Variants in DCLRE1C observed in about 807,000 individuals in gnomAD.
The protein encoded by DCLRE1C is protein artemis.
A neutral mutation model predicts 61.4 loss-of-function variants in DCLRE1C; 47 were observed. The observed-to-expected ratio is 0.77, with a 90% CI of 0.61 to 0.98. The LOEUF (loss-of-function observed/expected upper bound fraction) is 0.98. Ranked by LOEUF, DCLRE1C falls within the 50% of genes least tolerant of loss-of-function variation. The pLI is 0.00. For synonymous variants in DCLRE1C, 337 were observed against 287.6 expected (o/e 1.17, Z -1.74); for missense variants, 858 against 816.0 (o/e 1.05, Z -0.63).
At position 14,940,849 on chromosome 10, in the gene DCLRE1C, G is replaced by T. The variant is rs567715352; in HGVS notation, c.247-980C>A. ...CTAGATTCAGTTACTGTCTTTATGA[G>T]GATTCTTACATTTTCATGTATGAAA... On this transcript the variant is annotated intron_variant, in intron 3 of 13. Coordinates refer to ENST00000378278, the MANE Select transcript of DCLRE1C (RefSeq NM_001033855.3). Among the ~76,000 whole-genome samples the T allele has an allele frequency of 3.9e-5, 6 of 152,220 alleles. No homozygotes were observed. In the South Asian group the frequency reaches 1.2e-3, roughly 32 times the overall value.
At chr10:14,939,005 T>C (rs867124516) in intron 4 of DCLRE1C, among the ~76,000 whole-genome samples, 4 of 152,216 alleles carry the variant, frequency 2.6e-5, no homozygotes, top group African/African-American at 9.6e-5. Flanking sequence ...AGTGGTTTTA[T>C]TAGGAGGCTT....
At chr10:14,926,709 G>C (rs953357344) in intron 11 of DCLRE1C, 134 bp downstream of exon 11, 1 of 711,832 alleles carries the variant, frequency 1.4e-6, no homozygotes, top group Non-Finnish European at 2.4e-6. Flanking sequence ...ACTGCATTTA[G>C]GAAAAAAAAA....
At chr10:14,942,836 C>T (rs1365035250) in intron 3 of DCLRE1C, among the ~76,000 whole-genome samples, 1 of 152,044 alleles carries the variant, frequency 6.6e-6, no homozygotes, top group Non-Finnish European at 1.5e-5. Flanking sequence ...AGCTTAAGAG[C>T]AAACAGAAGC....
chr10:14,934,587 G>C, intron 7 of DCLRE1C, 67 bp from the exon 8 acceptor site: 1 of 1,613,838 alleles, frequency 6.2e-7, no homozygotes, highest in Non-Finnish European at 8.5e-7. Context: ...CTTCCCAACA[G>C]TCCCAGGTAC....
chr10:14,927,941 CTG>C (rs943034354), intron 10 of DCLRE1C, 73 bp downstream of exon 10: 1 of 1,413,862 alleles, frequency 7.1e-7, no homozygotes, highest in African/African-American at 1.4e-5. Flanking sequence ...TTAGGCTAGA[CTG>C]TGCTTAAATG....
At chr10:14,898,987 T>C in exon 14 of DCLRE1C, 2 of 490,802 alleles carry the variant, frequency 4.1e-6, no homozygotes. Flanking sequence ...ACATCCTAAT[T>C]ATAATGAAAG....
chr10:14,935,670 A>G, intron 5 of DCLRE1C, 106 bp from the exon 6 acceptor site: 1 of 1,102,186 alleles, frequency 9.1e-7, no homozygotes, highest in East Asian at 2.4e-5. Flanking sequence ...CATATCCATT[A>G]CAATACAATG....
At chr10:14,945,409 ATC>A in intron 2 of DCLRE1C, 1 of 1,273,458 alleles carries the variant, frequency 7.9e-7, no homozygotes, top group East Asian at 4.0e-5. Context: ...CTGGCACAAA[ATC>A]TGTTAGAGTC....
intron 1 of DCLRE1C, among the ~76,000 whole-genome samples, chr10:14,952,656 G>C (rs1369718443): frequency 1.3e-5 from 2 of 152,020 alleles, no homozygotes; most frequent in Non-Finnish European, 2.9e-5. Flanking sequence ...CTTGAGCAGA[G>C]AGCATGTGCC....
At chr10:14,939,969 G>C in intron 3 of DCLRE1C, 100 bp from the exon 4 acceptor site, 1 of 882,026 alleles carries the variant, frequency 1.1e-6, no homozygotes, top group Non-Finnish European at 1.8e-6. Context: ...AGAAGTTTCA[G>C]ACTCTCTATA....
intron 10 of DCLRE1C, among the ~76,000 whole-genome samples, chr10:14,927,225 C>T (rs1206036294): frequency 6.6e-6 from 1 of 151,950 alleles, no homozygotes; most frequent in Non-Finnish European, 1.5e-5. Flanking sequence ...CTACTGAAAA[C>T]ACAAAAAGTT....
chr10:14,934,897 A>G (rs568404902), intron 6 of DCLRE1C, 122 bp from the exon 7 acceptor site: 8,015 of 729,522 alleles, frequency 0.011, 52 homozygotes, highest in Non-Finnish European at 0.014. Context: ...TCTGCTCACT[A>G]CCACCTCCTC....
intron 2 of DCLRE1C, chr10:14,945,485 A>G (rs1440623795): frequency 8.6e-7 from 1 of 1,164,230 alleles, no homozygotes; most frequent in African/African-American, 1.6e-5. Context: ...GGGTGGAAAC[A>G]CGGTGTCCCT....
intron 4 of DCLRE1C, among the ~76,000 whole-genome samples, chr10:14,939,484 C>T (rs902752075): frequency 8.6e-5 from 13 of 151,160 alleles, no homozygotes; most frequent in Admixed American, 5.9e-4. Flanking sequence ...TCACCAGACA[C>T]GAAATCTGCT....
intron 11 of DCLRE1C, 167 bp from the exon 12 acceptor site, chr10:14,923,236 A>G (rs1837414894): frequency 1.6e-6 from 1 of 627,694 alleles, no homozygotes; most frequent in South Asian, 1.7e-5. Context: ...AAAAATATCC[A>G]ATGCCTGGGC....
rs1351020782 is a variant in DCLRE1C at position 14,907,599 on chromosome 10, TTTAGGA to T, written c.*803_*808del. 6.6e-6 allele frequency among the ~76,000 whole-genome samples: 1 copy of T among 152,104 alleles called. No individual in the cohort carries two copies. Among genetic ancestry groups the T allele is most frequent in the East Asian group, 1.9e-4 (1 of 5,190 alleles). On this transcript the variant is annotated 3_prime_UTR_variant, in exon 14 of 14. Coordinates refer to ENST00000378278, the MANE Select transcript of DCLRE1C (RefSeq NM_001033855.3). ...TTTGGAGCTGTTAGGTGCATATACG[TTTAGGA>T]TTATTTTGTCTTCTTGGTGAACTAG... is the stretch of plus-strand genomic sequence containing the variant.
At position 14,906,315 on chromosome 10, in the gene DCLRE1C, T is replaced by A. The variant is rs1272772599; in HGVS notation, c.*2093A>T. Among the ~76,000 whole-genome samples, 1 of 152,232 alleles carries A rather than the reference T, an allele frequency of 6.6e-6. No individual in the cohort carries two copies. Among genetic ancestry groups the A allele is most frequent in the African/African-American group, 2.4e-5 (1 of 41,464 alleles). Reference sequence around the variant, plus strand: ...GCATCATCAGAGTAAGCACCAAATATAATTTCTGGTAATCACTATCGGTTT... The same window carrying A: ...GCATCATCAGAGTAAGCACCAAATAAAATTTCTGGTAATCACTATCGGTTT... On this transcript the variant is annotated 3_prime_UTR_variant, in exon 14 of 14. Transcript: ENST00000378278.
chr10:14,940,211 G>T (rs1199762769), intron 3 of DCLRE1C, among the ~76,000 whole-genome samples: 3 of 151,586 alleles, frequency 2.0e-5, no homozygotes, highest in Admixed American at 2.0e-4. Context: ...TAAAAACGTG[G>T]TCCTGTGTCC....
Position 14,908,789 on chromosome 10 carries a change from G to A in DCLRE1C, c.1698C>T (p.Asn566=). The change falls in exon 14 of 14, where the codon AAC becomes AAT. Residue 566 remains asparagine, a synonymous_variant. Coordinates refer to ENST00000378278, the MANE Select transcript of DCLRE1C (RefSeq NM_001033855.3). ...TGTCCAAGGAAGTAATATCCCCACT[G>A]TTTCTCTCTTGGGAAGATAACAAAA... ...DTVLLSSQER[N]SGDITSLDKA... 6.2e-7 allele frequency: 1 copy of A among 1,614,202 alleles called. No individual in the cohort carries two copies. The highest frequency in any genetic ancestry group is 8.5e-7 in the Non-Finnish European group (1 of 1,180,040).
Sources: allele counts gnomAD v4.1 joint callset (sites outside exome capture counted in the v4.1 genomes callset), GRCh38; gene constraint gnomAD v4.1.1; transcripts MANE v1.5; gene names NCBI Gene and HGNC (gene_info 2026-07-23, HGNC 2026-07-21).